FAT2: variants seen among roughly 807,000 people sequenced by gnomAD.
FAT2 encodes protocadherin Fat 2.
FAT2 carries 150 observed loss-of-function variants against 295.3 expected under a neutral mutation model. The ratio of observed to expected loss-of-function variants is 0.51; its 90% CI spans 0.44 to 0.58. The LOEUF is 0.58. Among genes scored for constraint, FAT2 ranks in the 20% least tolerant of loss-of-function variants. The probability of loss-of-function intolerance (pLI) is 0.00; values close to 1 mark genes in which losing one functional copy is unlikely to be tolerated. For synonymous variants in FAT2, 2,026 were observed against 2,150.3 expected, an observed-to-expected ratio of 0.94 and a Z score of 1.60; for missense variants, 4,868 against 5,442.7, an observed-to-expected ratio of 0.89 and a Z score of 3.32.
At position 151,512,517 on chromosome 5, in the gene FAT2, C is replaced by T. The variant is rs551397930; in HGVS notation, c.11553G>A (p.Glu3851=). 6.2e-7 allele frequency: 1 copy of T among 1,614,124 alleles called. No homozygotes were observed. The highest frequency in any genetic ancestry group is 2.2e-5 in the East Asian group (1 of 44,880). ...TCTCCTCCACCAGGATGGAGTGCCA[C>T]TCGTGGTCATTCACATGGCGCTGGG... The part of the protein sequence containing the change: ...LSSQRHVNDH[E]WHSILVEEMD... The change falls in exon 21 of 24, where the codon GAG becomes GAA. Residue 3851 remains glutamate (E), a synonymous_variant. Coordinates refer to ENST00000261800, the MANE Select transcript of FAT2 (RefSeq NM_001447.3). The surrounding 1 kb of genome is among the most constrained non-coding windows in gnomAD (Gnocchi z 4.1).
upstream of FAT2, among the ~76,000 whole-genome samples, chr5:151,592,058 A>G (rs146233206): frequency 3.3e-5 from 5 of 152,336 alleles, no homozygotes; most frequent in East Asian, 9.6e-4. Context: ...CATGAGACCG[A>G]TTATGTGTGC....
rs557598510 is a variant in FAT2, at chr5:151,506,753, G to T, written c.12517+401C>A. Among the ~76,000 whole-genome samples the T allele has an allele frequency of 2.0e-4, 30 of 152,286 alleles. No homozygotes were observed. The South Asian group carries it at 6.2e-3, about 32-fold the overall frequency. On this transcript the variant is annotated intron_variant, in intron 23 of 23. Coordinates refer to ENST00000261800, the MANE Select transcript of FAT2 (RefSeq NM_001447.3). ...GAAGAAGGTGATATTCCCCCTCTAG[G>T]TCAGCCAGGTCTGGCCCAAGGCTGC...
chr5:151,579,730 A>G (rs1758870734), intron 1 of FAT2, among the ~76,000 whole-genome samples: 1 of 152,048 alleles, frequency 6.6e-6, no homozygotes, highest in Admixed American at 6.6e-5. Flanking sequence ...AAATAAGGAA[A>G]TACATTTAAA....
intron 21 of FAT2, chr5:151,511,663 C>A: frequency 6.2e-6 from 1 of 161,710 alleles, no homozygotes; most frequent in Non-Finnish European, 1.4e-5. Context: ...TTGCTCATGG[C>A]AGCATTGACA....
chr5:151,531,915 G>T lies in FAT2; in HGVS notation c.9483C>A (p.Ser3161=). 1 of 1,614,230 alleles carries T rather than the reference G, an allele frequency of 6.2e-7. No individual in the cohort carries two copies. Among genetic ancestry groups the T allele is most frequent in the Non-Finnish European group, 8.5e-7 (1 of 1,180,040 alleles). The change falls in exon 14 of 24, where the codon TCC becomes TCA. Residue 3161 remains serine, a synonymous_variant. Transcript: ENST00000261800. This position sits in a 1 kb window ranked among gnomAD's most constrained non-coding sequence, Gnocchi z 5.7. The stretch of plus-strand genomic sequence containing the variant: ...GGATCACCCCCGTGGTGGCGTCGAT[G>T]GAAAAGTGGCCTTCGGCTGAATCCG... ...SLPDSAEGHF[S]IDATTGVIRL... is the part of the protein sequence containing the mutation.
chr5:151,543,929 T>C lies in FAT2; in HGVS notation c.7198A>G (p.Lys2400Glu). The change falls in exon 10 of 24, where the codon AAA (lysine) becomes GAA (glutamate). Residue 2400 changes from lysine to glutamate, a missense_variant. Lys to Glu is a moderately conservative substitution (Grantham distance 56, BLOSUM62 1). Around this residue, in one of 5 missense-constraint regions of FAT2, gnomAD observed 3,297 missense variants for 3,669.4 expected, o/e 0.90. Coordinates refer to ENST00000261800, the MANE Select transcript of FAT2 (RefSeq NM_001447.3). ...CTGTCAGGGTCAATAGCCTGGACTT[T>C]AAGAACCAGGTGTCCACAGGTTGCC... ...ELATCGHLVLKVQAIDPDSRD... is the reference protein window; with the variant it reads ...ELATCGHLVLEVQAIDPDSRD... The C allele has an allele frequency of 1.2e-6, 2 of 1,614,158 alleles. No homozygotes were observed. Among genetic ancestry groups the C allele is most frequent in the South Asian group, 1.1e-5 (1 of 91,078 alleles).
chr5:151,520,034 C>T (rs1174121807), intron 19 of FAT2, among the ~76,000 whole-genome samples: 7 of 152,226 alleles, frequency 4.6e-5, no homozygotes, highest in Admixed American at 1.3e-4. Flanking sequence ...TTGGCTTTCC[C>T]TGAAGCAGGC....
chr5:151,550,901 C>G (rs1206418453), intron 7 of FAT2, 30 bp from the exon 8 acceptor site: 2 of 1,603,414 alleles, frequency 1.2e-6, no homozygotes, highest in Non-Finnish European at 1.7e-6. Context: ...AGAAGGTGCA[C>G]TGCAAGCCCC....
At position 151,544,533 on chromosome 5, in the gene FAT2, T is replaced by C. The variant is rs79948184; in HGVS notation, c.6594A>G (p.Pro2198=). 1.7e-3 allele frequency: 2,691 copies of C among 1,613,474 alleles called. 36 individuals are homozygous for C. The African/African-American group carries it at 0.031, about 19-fold the overall frequency. ...TGTTGTAGATGAGCCGGAGTCCCTCTGGACTCCGGGCCTGGGTGTGGAGAA... is the reference window on the plus strand; with the variant it reads ...TGTTGTAGATGAGCCGGAGTCCCTCCGGACTCCGGGCCTGGGTGTGGAGAA... ...TPILHTQARS[P]EGLRLIYNIV... is the part of the protein sequence containing the mutation. The change falls in exon 10 of 24, where the codon CCA becomes CCG. Residue 2198 remains proline (P), a synonymous_variant. Transcript: ENST00000261800.
intron 8 of FAT2, 82 bp downstream of exon 8, chr5:151,550,508 A>C (rs761121274): frequency 7.2e-5 from 105 of 1,461,824 alleles, no homozygotes; most frequent in Non-Finnish European, 9.4e-5. Flanking sequence ...GGGAAGGGGG[A>C]CCTTCAGCAT....
At chr5:151,577,001 G>A (rs990106098) in intron 1 of FAT2, among the ~76,000 whole-genome samples, 1 of 152,114 alleles carries the variant, frequency 6.6e-6, no homozygotes, top group Non-Finnish European at 1.5e-5. Context: ...CATAGAAAAG[G>A]TACAGTAAAA....
In FAT2 at chr5:151,505,838, G is replaced by A. The variant is rs375536782; in HGVS notation, c.12777C>T (p.Pro4259=). Residue 4259 remains proline, a synonymous_variant, in exon 24 of 24, where the codon CCC becomes CCT. Coordinates refer to ENST00000261800, the MANE Select transcript of FAT2 (RefSeq NM_001447.3). ...EDLMPSRPPS[P]RERLVAPCLN... is the part of the protein sequence containing the mutation. ...GACAGGGGGCAACCAGGCGCTCCCG[G>A]GGACTAGGGGGCCGAGAGGGCATCA... is the stretch of plus-strand genomic sequence containing the variant. The A allele has an allele frequency of 1.2e-6, 2 of 1,612,788 alleles. No homozygotes were observed. The highest frequency in any genetic ancestry group is 1.1e-5 in the South Asian group (1 of 91,010).
chr5:151,510,711 G>C (rs1039288161), intron 21 of FAT2: 1 of 152,348 alleles, frequency 6.6e-6, no homozygotes, highest in African/African-American at 2.4e-5. Flanking sequence ...GGGAGGGGTG[G>C]GGGATGAGGC....
intron 3 of FAT2, among the ~76,000 whole-genome samples, chr5:151,562,770 C>T (rs150242681): frequency 4.6e-5 from 7 of 152,348 alleles, no homozygotes; most frequent in Middle Eastern, 6.8e-3. Context: ...CTCACTGCTG[C>T]CAGCTGCCAA....
rs1756560952 is a variant in FAT2 at position 151,545,726 on chromosome 5, C to A, written c.5401G>T (p.Val1801Phe). 5 of 1,614,024 alleles carry A rather than the reference C, an allele frequency of 3.1e-6. No individual in the cohort carries two copies. Among genetic ancestry groups the A allele is most frequent in the Non-Finnish European group, 4.2e-6 (5 of 1,180,006 alleles). ...GCCTCCGGCTCCAAAATTTTATAGA[C>A]CAACAAGGAATTAGCTTCTTTGTCA... ...DSDKEANSLL[V>F]YKILEPEALK... The change falls in exon 10 of 24, where the codon GTC becomes TTC. Residue 1801 changes from valine (V) to phenylalanine (F), a missense_variant. Val to Phe is a conservative substitution (Grantham distance 50). Transcript: ENST00000261800.
At chr5:151,555,453 C>T (rs1033474501) in intron 4 of FAT2, among the ~76,000 whole-genome samples, 33 of 150,420 alleles carry the variant, frequency 2.2e-4, no homozygotes, top group African/African-American at 8.2e-4. Flanking sequence ...TCACTGCAAC[C>T]TCCGTCTCCC....
At position 151,522,103 on chromosome 5, in the gene FAT2, C is replaced by A. The variant is rs1753523590; in HGVS notation, c.10507-17G>T. On this transcript the variant is annotated splice_polypyrimidine_tract_variant and intron_variant, in intron 18 of 23. Transcript: ENST00000261800. ...GTCTGACGCCTGTGGGCAAAACAAA[C>A]ACTGCTGTCACCCAACAGAACTGCA... 6.5e-7 allele frequency: 1 copy of A among 1,548,720 alleles called. No homozygotes were observed. The highest frequency in any genetic ancestry group is 8.8e-7 in the Non-Finnish European group (1 of 1,137,852).
intron 1 of FAT2, among the ~76,000 whole-genome samples, chr5:151,572,598 C>A (rs7737011): frequency 0.45 from 68,934 of 152,086 alleles, 15,758 homozygotes; most frequent in Non-Finnish European, 0.49. Context: ...AGAGAGGGCT[C>A]TTAAGAGTAC....
intron 3 of FAT2, among the ~76,000 whole-genome samples, chr5:151,558,427 C>T (rs1757879718): frequency 1.3e-5 from 2 of 151,974 alleles, no homozygotes; most frequent in South Asian, 4.2e-4. Flanking sequence ...ACCAGCCTGA[C>T]CAATATGGTG....
Sources: gnomAD v4.1 joint callset for allele counts (sites outside exome capture counted in the v4.1 genomes callset) on GRCh38, gnomAD v4.1.1 for gene constraint, gnomAD v4.1.1 regional missense constraint, Gnocchi (gnomAD v3.1) non-coding constraint, MANE v1.5 for transcripts, NCBI Gene and HGNC (gene_info 2026-07-23, HGNC 2026-07-21) for gene names.